Variants in PDHA1 observed in about 807,000 individuals in gnomAD.
PDHA1 encodes the protein pyruvate dehydrogenase E1 component subunit alpha, somatic form, mitochondrial.
A neutral mutation model predicts 33.0 loss-of-function variants in PDHA1; 1 was observed. The ratio of observed to expected loss-of-function variants is 0.03; its 90% confidence interval spans 0.01 to 0.14. The LOEUF (loss-of-function observed/expected upper bound fraction) is 0.14. Ranked by LOEUF, PDHA1 falls within the 10% of genes least tolerant of loss-of-function variation. The pLI, the probability that PDHA1 is intolerant of heterozygous loss-of-function variation, is 1.00. For synonymous variants in PDHA1, 123 were observed against 119.2 expected (o/e 1.03, Z -0.21); for missense variants, 168 against 325.1 (o/e 0.52, Z 3.72).
chrX:19,359,321 A>ATAAAATAGATAC (rs1281641522), intron 10 of PDHA1, among the ~76,000 whole-genome samples, 168 bp from the exon 11 acceptor site: 1 of 112,001 alleles, frequency 8.9e-6, no homozygotes, highest in Non-Finnish European at 1.9e-5. Context: ...TTTTTAATTC[A>ATAAAATAGATAC]TAAAATAGAT....
At chrX:19,348,562 T>G (rs1483899948) in intron 1 of PDHA1, among the ~76,000 whole-genome samples, 2 of 112,761 alleles carry the variant, frequency 1.8e-5, no homozygotes, top group Non-Finnish European at 3.7e-5. Context: ...AAGAGTCAAG[T>G]TTGCCTAGAG....
chrX:19,350,661 G>C (rs960723134), intron 3 of PDHA1, among the ~76,000 whole-genome samples: 1 of 112,453 alleles, frequency 8.9e-6, no homozygotes, highest in African/African-American at 3.2e-5. Flanking sequence ...CCAGTTTTCT[G>C]TACCTGTTCT....
rs11318265 is a variant in PDHA1, at chrX:19,345,572, T to TAAAAAAAA, written c.57+1501_57+1508dup. ...GCGACAAGAGCAAGACTCCGTATTTTAAAAAAAAAAAAAAAAAAAAAAAAA... is the reference window on the plus strand; with the variant it reads ...GCGACAAGAGCAAGACTCCGTATTTTAAAAAAAAAAAAAAAAAAAAAAAAAAAAAAAAA... On this transcript the variant is annotated intron_variant, in intron 1 of 10. Transcript: ENST00000422285. Among the ~76,000 whole-genome samples the TAAAAAAAA allele has an allele frequency of 8.6e-4, 26 of 30,270 alleles. 1 individual carries two copies. The highest frequency in any genetic ancestry group is 2.4e-3 in the African/African-American group (25 of 10,554). The allele number at this position is 30,270 out of a possible 115,157, so 26.3% of individuals were successfully genotyped here.
chrX:19,357,556 G>A (rs1168814141), intron 8 of PDHA1, 96 bp from the exon 9 acceptor site: 2 of 651,543 alleles, frequency 3.1e-6, no homozygotes, highest in Non-Finnish European at 5.2e-6. Context: ...TACACTGGAC[G>A]CTTAATAAAG....
At chrX:19,350,260 T>C (rs926650804) in intron 3 of PDHA1, 150 bp downstream of exon 3, 1 of 505,194 alleles carries the variant, frequency 2.0e-6, no homozygotes, top group Non-Finnish European at 3.5e-6. Context: ...AGACAGTCTC[T>C]CTCTGTCGCC....
intron 4 of PDHA1, among the ~76,000 whole-genome samples, chrX:19,352,225 C>CTTT (rs1237519823): frequency 1.2e-4 from 10 of 86,259 alleles, no homozygotes; most frequent in African/African-American, 4.2e-4. Context: ...CCTCCTCCTC[C>CTTT]TTTTTTTTTT....
At chrX:19,352,526 G>A (rs925296581) in intron 4 of PDHA1, among the ~76,000 whole-genome samples, 11 of 112,748 alleles carry the variant, frequency 9.8e-5, no homozygotes, top group Middle Eastern at 4.2e-3. Flanking sequence ...GTGAGCCGCC[G>A]TGCCCGGCCC....
chrX:19,354,206 C>T (rs890383405), intron 5 of PDHA1, among the ~76,000 whole-genome samples: 6 of 112,739 alleles, frequency 5.3e-5, no homozygotes, highest in Non-Finnish European at 9.4e-5. Context: ...GCTGGGATTA[C>T]AGGCGTGAGC....
At position 19,359,726 on chromosome X, in the gene PDHA1, A is replaced by AT. The variant is rs2063251070; in HGVS notation, c.*73_*74insT. The AT allele has an allele frequency of 1.0e-6, 1 of 958,753 alleles. No homozygotes were observed. Among genetic ancestry groups the AT allele is most frequent in the Non-Finnish European group, 1.5e-6 (1 of 669,632 alleles). The allele number at this position is 958,753 out of a possible 1,213,427, so 79.0% of individuals were successfully genotyped here. A position where few individuals can be genotyped will look rare whatever the true frequency, so the allele number is the denominator to read the frequency against. On this transcript the variant is annotated 3_prime_UTR_variant, in exon 11 of 11. Coordinates refer to ENST00000422285, the MANE Select transcript of PDHA1 (RefSeq NM_000284.4). ...TTCTCAACTTGGTTAAGGAGGAAGAAAACCCAGTCAATGAAATTCAATGAA... is the reference window on the plus strand; with the variant it reads ...TTCTCAACTTGGTTAAGGAGGAAGAATAACCCAGTCAATGAAATTCAATGAA...
chrX:19,350,382 C>T (rs982557071), intron 3 of PDHA1, among the ~76,000 whole-genome samples: 9 of 111,467 alleles, frequency 8.1e-5, no homozygotes, highest in African/African-American at 2.3e-4. Context: ...CCTCCCACCT[C>T]AGCCTCCCGA....
In PDHA1 at chrX:19,359,541, C is replaced by T. The variant is rs375167721; in HGVS notation, c.1061C>T (p.Thr354Met). 16 of 1,207,964 alleles carry T rather than the reference C, an allele frequency of 1.3e-5. No homozygotes were observed. In the African/African-American group the frequency reaches 1.4e-4, roughly 11 times the overall value. Residue 354 changes from threonine (T) to methionine (M), a missense_variant, in exon 11 of 11, where the codon ACG (threonine) becomes ATG (methionine). Coordinates refer to ENST00000422285, the MANE Select transcript of PDHA1 (RefSeq NM_000284.4). The part of the protein sequence containing the change: ...KEIEDAAQFA[T>M]ADPEPPLEEL... Reference sequence around the variant, plus strand: ...ATTGAGGATGCTGCCCAGTTTGCCACGGCCGATCCTGAGCCACCTTTGGAA... The same window carrying T: ...ATTGAGGATGCTGCCCAGTTTGCCATGGCCGATCCTGAGCCACCTTTGGAA...
At chrX:19,346,281 C>A (rs1270130379) in intron 1 of PDHA1, among the ~76,000 whole-genome samples, 9 of 111,428 alleles carry the variant, frequency 8.1e-5, no homozygotes, top group Non-Finnish European at 1.3e-4. Context: ...CCTTAACCTC[C>A]CAAGACGCTG....
chrX:19,353,285 A>T, intron 5 of PDHA1, 112 bp downstream of exon 5: 1 of 596,221 alleles, frequency 1.7e-6, no homozygotes, highest in Non-Finnish European at 2.9e-6. Context: ...CATGTGCTGC[A>T]CAGTGACGCT....
intron 1 of PDHA1, chrX:19,345,745 T>TCCCCCCCCCCCC (rs745880160): frequency 1.2e-5 from 2 of 170,189 alleles, no homozygotes; most frequent in African/African-American, 1.0e-4. Flanking sequence ...GTTTGCAGGG[T>TCCCCCCCCCCCC]CCCCCCCCCC....
intron 1 of PDHA1, among the ~76,000 whole-genome samples, chrX:19,345,443 T>C (rs977535818): frequency 6.5e-5 from 7 of 107,946 alleles, no homozygotes; most frequent in African/African-American, 2.4e-4. Flanking sequence ...GGTGGCGGGC[T>C]CCTGTAATCC....
At chrX:19,359,221 A>ATT (rs1258082191) in intron 10 of PDHA1, among the ~76,000 whole-genome samples, 197 bp downstream of exon 10, 1 of 111,156 alleles carries the variant, frequency 9.0e-6, no homozygotes, top group Non-Finnish European at 1.9e-5. Context: ...TACTCTTCAG[A>ATT]TTTCAGATTT....
chrX:19,359,665 GGA>G lies in PDHA1; in HGVS notation c.*16_*17del. 1 of 1,199,317 alleles carries G rather than the reference GGA, an allele frequency of 8.3e-7. No homozygotes were observed. Among genetic ancestry groups the G allele is most frequent in the South Asian group, 1.8e-5 (1 of 56,686 alleles). On this transcript the variant is annotated 3_prime_UTR_variant, in exon 11 of 11. Transcript: ENST00000422285. Reference sequence around the variant, plus strand: ...AGTCAGTCAGTTAAGGGGAGGAGAAGGAGAGGTTATACCTTCAGGGGGCTACC... The same window carrying G: ...AGTCAGTCAGTTAAGGGGAGGAGAAGGAGGTTATACCTTCAGGGGGCTACC...
intron 10 of PDHA1, 94 bp from the exon 11 acceptor site, chrX:19,359,395 G>GAGTT (rs1304956049): frequency 1.9e-5 from 13 of 699,586 alleles, no homozygotes; most frequent in African/African-American, 1.7e-4. Flanking sequence ...TGTAGTTAAA[G>GAGTT]AGTTACACCA....
intron 9 of PDHA1, among the ~76,000 whole-genome samples, chrX:19,358,590 C>T (rs2063223634): frequency 9.0e-6 from 1 of 111,654 alleles, no homozygotes; most frequent in Admixed American, 9.6e-5. Context: ...TAGAACCTTA[C>T]ATCTAAATCA....
Sources: allele counts gnomAD v4.1 joint callset (sites outside exome capture counted in the v4.1 genomes callset), GRCh38; gene constraint gnomAD v4.1.1; transcripts MANE v1.5; gene names NCBI Gene and HGNC (gene_info 2026-07-23, HGNC 2026-07-21).